Variants in FRMPD2 observed in about 807,000 individuals in gnomAD.
FRMPD2 encodes FERM and PDZ domain-containing protein 2.
A neutral mutation model predicts 140.1 loss-of-function variants in FRMPD2; 96 were observed. The observed-to-expected ratio is 0.69, with a 90% CI of 0.58 to 0.81. The LOEUF is 0.81. FRMPD2 is among the 40% of genes least tolerant of loss of function. The pLI is 0.00. For synonymous variants in FRMPD2, 449 were observed against 547.6 expected (o/e 0.82, Z 2.52); for missense variants, 1,240 against 1,447.4 (o/e 0.86, Z 2.32).
At chr10:48,207,575 C>A (rs942028167) in intron 13 of FRMPD2, among the ~76,000 whole-genome samples, 4 of 152,172 alleles carry the variant, frequency 2.6e-5, no homozygotes, top group Non-Finnish European at 4.4e-5. Context: ...GAGCTGGGGA[C>A]TGCGTTAGGC....
chr10:48,242,096 A>C (rs1035598849), intron 5 of FRMPD2, 65 bp downstream of exon 5: 2 of 1,151,380 alleles, frequency 1.7e-6, no homozygotes, highest in African/African-American at 3.1e-5. Flanking sequence ...AATATAACTA[A>C]TTCAAATTTT....
chr10:48,167,827 A>G (rs1370284473), intron 27 of FRMPD2, among the ~76,000 whole-genome samples: 1 of 151,940 alleles, frequency 6.6e-6, no homozygotes, highest in African/African-American at 2.4e-5. Flanking sequence ...ATTGTCTTCC[A>G]TAATGTAGTG....
intron 1 of FRMPD2, among the ~76,000 whole-genome samples, chr10:48,264,706 T>C (rs1840650910): frequency 6.6e-6 from 1 of 152,184 alleles, no homozygotes. Context: ...GAAGACTCAA[T>C]ATTGTTAAAA....
intron 15 of FRMPD2, among the ~76,000 whole-genome samples, chr10:48,195,260 C>T (rs1283591875): frequency 6.6e-6 from 1 of 152,228 alleles, no homozygotes; most frequent in Admixed American, 6.5e-5. Flanking sequence ...CCCCACTCCA[C>T]AGGGCTGACA....
At chr10:48,270,655 C>T (rs1216744409) in intron 1 of FRMPD2, among the ~76,000 whole-genome samples, 5 of 152,038 alleles carry the variant, frequency 3.3e-5, no homozygotes, top group Admixed American at 3.3e-4. Context: ...CCAGGATGTC[C>T]TTTAGACAAC....
intron 11 of FRMPD2, among the ~76,000 whole-genome samples, chr10:48,222,862 C>A (rs1028641296): frequency 2.0e-5 from 3 of 152,102 alleles, no homozygotes; most frequent in Non-Finnish European, 4.4e-5. Flanking sequence ...GGGTCACAGA[C>A]AGAGAATTTT....
Position 48,274,659 on chromosome 10 carries a change from C to A in FRMPD2, c.-92G>T. On this transcript the variant is annotated 5_prime_UTR_variant, in exon 1 of 29. Coordinates refer to ENST00000374201, the MANE Select transcript of FRMPD2 (RefSeq NM_001018071.4). ...CTCTTGCAAGTCTGTCCGCGGAGCT[C>A]CCTGCCACCAGCACTGTTGCCGCTG... The A allele has an allele frequency of 8.3e-7, 1 of 1,198,756 alleles. No individual in the cohort carries two copies. The highest frequency in any genetic ancestry group is 1.3e-5 in the South Asian group (1 of 79,516). The allele number at this position is 1,198,756 out of a possible 1,614,324, so 74.3% of individuals were successfully genotyped here. A position where few individuals can be genotyped will look rare whatever the true frequency, so the allele number is the denominator to read the frequency against.
intron 20 of FRMPD2, among the ~76,000 whole-genome samples, chr10:48,181,270 C>T (rs1554792624): frequency 1.2e-4 from 19 of 152,272 alleles, no homozygotes; most frequent in African/African-American, 2.4e-4. Flanking sequence ...ATAAGGCCAG[C>T]TATCCCTTAT....
intron 15 of FRMPD2, among the ~76,000 whole-genome samples, chr10:48,195,697 T>C (rs1339755723): frequency 6.6e-6 from 1 of 152,278 alleles, no homozygotes; most frequent in Non-Finnish European, 1.5e-5. Context: ...ATCATATTAT[T>C]TGTAATACTT....
intron 4 of FRMPD2, 71 bp from the exon 5 acceptor site, chr10:48,242,423 GGCAGGCCTTGGAGACAT>G: frequency 2.1e-6 from 3 of 1,396,716 alleles, no homozygotes; most frequent in Middle Eastern, 4.4e-4. Context: ...CACCTTGTCA[GGCAGGCCTTGGAGACAT>G]GGAAACGGGT....
At chr10:48,177,529 T>G (rs1224316696) in intron 22 of FRMPD2, 3 of 158,820 alleles carry the variant, frequency 1.9e-5, no homozygotes, top group Non-Finnish European at 4.2e-5. Flanking sequence ...CACAGTTATA[T>G]GGGTAATCTC....
chr10:48,271,468 A>T (rs1840764406), intron 1 of FRMPD2, among the ~76,000 whole-genome samples: 1 of 152,208 alleles, frequency 6.6e-6, no homozygotes, highest in Non-Finnish European at 1.5e-5. Context: ...CTGACAGCTC[A>T]GCCTTGATCT....
At position 48,248,177 on chromosome 10, in the gene FRMPD2, A is replaced by C. The variant is rs1840294757; in HGVS notation, c.309+844T>G. On this transcript the variant is annotated intron_variant, in intron 3 of 28. Coordinates refer to ENST00000374201, the MANE Select transcript of FRMPD2 (RefSeq NM_001018071.4). The stretch of plus-strand genomic sequence containing the variant: ...TGAAAGGGCGAGGAAGAAGAAACAG[A>C]ACTCTCTGCGGAAACACCCACCATG... Among the ~76,000 whole-genome samples the C allele has an allele frequency of 2.0e-5, 3 of 152,148 alleles. No homozygotes were observed. In the South Asian group the frequency reaches 6.2e-4, roughly 32 times the overall value.
intron 12 of FRMPD2, among the ~76,000 whole-genome samples, chr10:48,216,291 G>GATAC: frequency 4.3e-5 from 1 of 23,508 alleles, no homozygotes. Flanking sequence ...ATAGATGATG[G>GATAC]ATAGATAGAT....
At chr10:48,212,690 G>A (rs936479847) in intron 12 of FRMPD2, among the ~76,000 whole-genome samples, 4 of 152,138 alleles carry the variant, frequency 2.6e-5, no homozygotes, top group Non-Finnish European at 5.9e-5. Flanking sequence ...GGTGTTCAAG[G>A]AGTAGCCCCC....
intron 2 of FRMPD2, 49 bp from the exon 3 acceptor site, chr10:48,249,227 G>T: frequency 6.3e-7 from 1 of 1,591,568 alleles, no homozygotes; most frequent in African/African-American, 1.3e-5. Flanking sequence ...TTCCATCTGG[G>T]GTGCCAGCAT....
intron 1 of FRMPD2, among the ~76,000 whole-genome samples, chr10:48,256,607 T>G (rs1297895510): frequency 6.6e-6 from 1 of 152,166 alleles, no homozygotes; most frequent in Non-Finnish European, 1.5e-5. Context: ...GGACAGAGGT[T>G]GGACCAAGGT....
rs764460468 is a variant in FRMPD2 at position 48,222,433 on chromosome 10, G to T, written c.1335C>A (p.His445Gln). The change falls in exon 12 of 29, where the codon CAC (histidine) becomes CAA (glutamine). Residue 445 changes from histidine to glutamine, a missense_variant. Coordinates refer to ENST00000374201, the MANE Select transcript of FRMPD2 (RefSeq NM_001018071.4). ...YGLLQHSLTRHQFYLQLRKDI... is the reference protein window; with the variant it reads ...YGLLQHSLTRQQFYLQLRKDI... ...CTTTCCGAAGCTGCAGGTAAAACTG[G>T]TGCCTTGTCAGGCTGTGCCTGGAAA... 5.0e-6 allele frequency: 8 copies of T among 1,614,072 alleles called. No homozygotes were observed. Among genetic ancestry groups the T allele is most frequent in the Non-Finnish European group, 6.8e-6 (8 of 1,179,954 alleles).
chr10:48,236,068 GT>G (rs112112427), intron 9 of FRMPD2, among the ~76,000 whole-genome samples: 24,064 of 140,120 alleles, frequency 0.17, 4,333 homozygotes, highest in African/African-American at 0.46. Flanking sequence ...TTTGTTTTTT[GT>G]TTTTTTTTTT....
Sources: allele counts gnomAD v4.1 joint callset (sites outside exome capture counted in the v4.1 genomes callset), GRCh38; gene constraint gnomAD v4.1.1; transcripts MANE v1.5; gene names NCBI Gene and HGNC (gene_info 2026-07-23, HGNC 2026-07-21).